The following STOX2 variants were observed in gnomAD, a reference collection of about 807,000 sequenced individuals.
STOX2 encodes the protein storkhead-box protein 2.
A neutral mutation model predicts 60.9 loss-of-function variants in STOX2; 28 were observed. The observed-to-expected ratio is 0.46, with a 90% CI of 0.34 to 0.63. STOX2 has a LOEUF of 0.63. Among genes scored for constraint, STOX2 ranks in the 30% least tolerant of loss-of-function variants. The probability of loss-of-function intolerance (pLI) is 0.01; values close to 1 mark genes in which losing one functional copy is unlikely to be tolerated. For missense variants in STOX2, 1,024 were observed against 1,187.7 expected (o/e 0.86, Z 2.03); for synonymous variants, 472 against 463.9 (o/e 1.02, Z -0.22).
At chr4:183,928,140 C>T (rs921442924) in intron 1 of STOX2, among the ~76,000 whole-genome samples, 1 of 152,080 alleles carries the variant, frequency 6.6e-6, no homozygotes, top group African/African-American at 2.4e-5. Flanking sequence ...CTTTTTTTCC[C>T]AACAGATTGG....
Position 183,856,142 on chromosome 4 carries a change from CTGGTCACAGAT to C in STOX2, c.364+58089_364+58099del, listed in dbSNP as rs1008313164. Among the ~76,000 whole-genome samples the C allele has an allele frequency of 2.6e-5, 4 of 151,946 alleles. No homozygotes were observed. Among genetic ancestry groups the C allele is most frequent in the Non-Finnish European group, 4.4e-5 (3 of 67,932 alleles). ...TGCGCACCCTGGGGTCTCGAATAGGCTGGTCACAGATTTCTAGGACACTGAGGCCCATTTAG... is the reference window on the plus strand; with the variant it reads ...TGCGCACCCTGGGGTCTCGAATAGGCTTCTAGGACACTGAGGCCCATTTAG... On this transcript the variant is annotated intron_variant, in intron 1 of 2. Coordinates refer to the STOX2 transcript ENST00000513034. This position sits in a 1 kb window ranked among gnomAD's most constrained non-coding sequence, Gnocchi z 4.0.
chr4:183,979,897 C>T (rs985122799), intron 1 of STOX2, among the ~76,000 whole-genome samples: 4 of 152,058 alleles, frequency 2.6e-5, no homozygotes, highest in Non-Finnish European at 1.5e-5. Flanking sequence ...ATTTTAGGCC[C>T]GGTCATGCCG....
intron 1 of STOX2, among the ~76,000 whole-genome samples, chr4:183,869,962 G>A (rs1024360941): frequency 6.6e-6 from 1 of 152,154 alleles, no homozygotes; most frequent in Admixed American, 6.5e-5. Context: ...TGATTCACAA[G>A]CAGGCCGTAA....
At position 183,896,056 on chromosome 4, in the gene STOX2, A is replaced by G. The variant is rs117212961; in HGVS notation, c.364+98001A>G. On this transcript the variant is annotated intron_variant, in intron 1 of 2. Transcript: ENST00000513034. ...AGCTTACAGCAACAGGGCGGCTCCT[A>G]AGGCCTGCAATGAGAAATGACCTTG... is the stretch of plus-strand genomic sequence containing the variant. 7.1e-4 allele frequency among the ~76,000 whole-genome samples: 108 copies of G among 152,350 alleles called. No individual in the cohort carries two copies. The East Asian group carries it at 9.7e-3, about 14-fold the overall frequency.
rs759317396 is a variant in STOX2 at position 184,011,590 on chromosome 4, T to C, written c.2585+167T>C. ...CTGTTTCTGACTTCTTTTTCAGGAA[T>C]TGAAAAAAATGTTTCTGCACCTGTA... On this transcript the variant is annotated intron_variant, in intron 3 of 3. Transcript: ENST00000308497. This position sits in a 1 kb window ranked among gnomAD's most constrained non-coding sequence, Gnocchi z 4.4. 1.8e-4 allele frequency: 272 copies of C among 1,533,682 alleles called. 1 individual carries two copies. The highest frequency in any genetic ancestry group is 1.7e-3 in the Admixed American group (88 of 50,700).
chr4:183,905,428 A>C lies in STOX2; in HGVS notation c.-1363A>C, dbSNP rs1431592239. 1 of 152,302 alleles carries C rather than the reference A, an allele frequency of 6.6e-6. No individual in the cohort carries two copies. Among genetic ancestry groups the C allele is most frequent in the Admixed American group, 6.5e-5 (1 of 15,288 alleles). The allele number at this position is 152,302 out of a possible 1,614,324, so 9.4% of individuals were successfully genotyped here. The stretch of plus-strand genomic sequence containing the variant: ...AGAGGAAGCGCTGCAGGCCACTTGC[A>C]TTGCGTCTTCCAGGCTGCGTGGACC... On this transcript the variant is annotated 5_prime_UTR_variant, in exon 1 of 4. Transcript: ENST00000308497.
chr4:183,967,362 G>A (rs1207514107), intron 1 of STOX2, among the ~76,000 whole-genome samples: 8 of 144,570 alleles, frequency 5.5e-5, no homozygotes, highest in Non-Finnish European at 1.0e-4. Context: ...GCGAAACTCC[G>A]TCTCAAGAGA....
chr4:183,819,534 G>C (rs1739254661), intron 1 of STOX2, among the ~76,000 whole-genome samples: 1 of 138,256 alleles, frequency 7.2e-6, no homozygotes, highest in Admixed American at 7.3e-5. Flanking sequence ...GGGAGACCGT[G>C]GAAAGAGAGG....
At chr4:183,878,885 T>A (rs1303084838) in intron 1 of STOX2, among the ~76,000 whole-genome samples, 1 of 152,102 alleles carries the variant, frequency 6.6e-6, no homozygotes, top group East Asian at 1.9e-4. Context: ...TCCCTAAAGA[T>A]TTACAGTGAA....
intron 1 of STOX2, among the ~76,000 whole-genome samples, chr4:183,878,586 ATGAGTG>A (rs1435338696): frequency 6.6e-6 from 1 of 152,232 alleles, no homozygotes; most frequent in Non-Finnish European, 1.5e-5. Flanking sequence ...AGAAAACCAA[ATGAGTG>A]TGAATCTAAA....
Position 184,011,256 on chromosome 4 carries a change from C to T in STOX2, c.2418C>T (p.Leu806=), listed in dbSNP as rs573008657. The T allele has an allele frequency of 2.6e-5, 42 of 1,613,490 alleles. No homozygotes were observed. The Admixed American group carries it at 4.2e-4, about 16-fold the overall frequency. The change falls in exon 3 of 4, where the codon CTC becomes CTT. Residue 806 remains leucine, a synonymous_variant. Transcript: ENST00000308497. The surrounding 1 kb of genome is among the most constrained non-coding windows in gnomAD (Gnocchi z 4.4). ...REDVGTMQWL[L]EREKERDLQR... is the part of the protein sequence containing the mutation. ...ACGTAGGCACCATGCAGTGGCTCCT[C>T]GAGCGGGAGAAGGAAAGAGACTTGC...
intron 1 of STOX2, among the ~76,000 whole-genome samples, chr4:183,918,148 A>G (rs1309246614): frequency 1.3e-5 from 2 of 152,226 alleles, no homozygotes; most frequent in African/African-American, 4.8e-5. Flanking sequence ...TAGAGTTAAA[A>G]GCGGCTTTAA....
intron 1 of STOX2, among the ~76,000 whole-genome samples, chr4:183,843,147 CAAAAA>C (rs60213127): frequency 2.9e-5 from 3 of 102,208 alleles, no homozygotes; most frequent in Non-Finnish European, 6.1e-5. Context: ...GACTCCATCT[CAAAAA>C]AAAAAAAAAA....
chr4:183,953,203 G>A (rs1279118821), intron 1 of STOX2, among the ~76,000 whole-genome samples: 2 of 152,092 alleles, frequency 1.3e-5, no homozygotes, highest in Middle Eastern at 3.2e-3. Flanking sequence ...AAAAAAAAGT[G>A]TGGTGTTTCC....
rs1467651562 is a variant in STOX2 at position 184,011,518 on chromosome 4, T to C, written c.2585+95T>C. On this transcript the variant is annotated intron_variant, in intron 3 of 3. Coordinates refer to ENST00000308497, the MANE Select transcript of STOX2 (RefSeq NM_020225.3). This position sits in a 1 kb window ranked among gnomAD's most constrained non-coding sequence, Gnocchi z 4.4. The stretch of plus-strand genomic sequence containing the variant: ...CAAGTTTCTGATTTCGTAGTCTCAG[T>C]TCTATGGATGAGGGTTAAGAGTTGT... 1 of 1,580,086 alleles carries C rather than the reference T, an allele frequency of 6.3e-7. No homozygotes were observed. The highest frequency in any genetic ancestry group is 8.6e-7 in the Non-Finnish European group (1 of 1,162,720).
intron 1 of STOX2, among the ~76,000 whole-genome samples, chr4:183,859,952 A>G (rs1740392821): frequency 6.6e-6 from 1 of 152,184 alleles, no homozygotes; most frequent in Non-Finnish European, 1.5e-5. Flanking sequence ...TTACTGACAG[A>G]ATTTCCTGGC....
chr4:183,825,676 G>T lies in STOX2; in HGVS notation c.364+27621G>T, dbSNP rs1308547829. On this transcript the variant is annotated intron_variant, in intron 1 of 2. Transcript: ENST00000513034. This position sits in a 1 kb window ranked among gnomAD's most constrained non-coding sequence, Gnocchi z 4.1. ...TGGGCTTCCATTGTTATTTTCTGAG[G>T]ATAGCTTGACAGGACAGGGGCAACC... is the stretch of plus-strand genomic sequence containing the variant. Among the ~76,000 whole-genome samples the T allele has an allele frequency of 6.6e-6, 1 of 152,118 alleles. No homozygotes were observed. Among genetic ancestry groups the T allele is most frequent in the Non-Finnish European group, 1.5e-5 (1 of 68,028 alleles).
intron 1 of STOX2, among the ~76,000 whole-genome samples, chr4:183,912,615 C>T (rs926753392): frequency 2.6e-5 from 4 of 152,170 alleles, no homozygotes; most frequent in Non-Finnish European, 5.9e-5. Flanking sequence ...GCTCCCACGA[C>T]GTTTGTTTTG....
intron 1 of STOX2, among the ~76,000 whole-genome samples, chr4:183,894,075 C>G (rs1560868304): frequency 2.0e-5 from 3 of 152,260 alleles, no homozygotes; most frequent in Middle Eastern, 6.8e-3. Context: ...TCACTTGAGC[C>G]CAGAGGTCAA....
Sources: gnomAD v4.1 joint callset for allele counts (sites outside exome capture counted in the v4.1 genomes callset) on GRCh38, gnomAD v4.1.1 for gene constraint, Gnocchi (gnomAD v3.1) non-coding constraint, MANE v1.5 for transcripts, NCBI Gene and HGNC (gene_info 2026-07-23, HGNC 2026-07-21) for gene names.